Variants in IL7 observed in about 807,000 individuals in gnomAD.
IL7 encodes the protein interleukin 7.
Under a neutral mutation model 21.6 loss-of-function variants are expected in IL7, and 3 were observed. The ratio of observed to expected loss-of-function variants is 0.14; its 90% confidence interval spans 0.06 to 0.36. IL7 has a LOEUF of 0.36. IL7 is among the 10% of genes least tolerant of loss of function. IL7 has a pLI of 1.00. For synonymous variants in IL7, 62 were observed against 68.1 expected (o/e 0.91, Z 0.44); for missense variants, 175 against 200.2 (o/e 0.87, Z 0.76).
At chr8:78,736,581 GTTGT>G in intron 4 of IL7, 54 bp from the exon 5 acceptor site, 1 of 1,161,448 alleles carries the variant, frequency 8.6e-7, no homozygotes. Context: ...TGCTCCTCCA[GTTGT>G]TTGTAATTGC....
At chr8:78,749,593 T>C (rs1018897937) in intron 2 of IL7, among the ~76,000 whole-genome samples, 2 of 152,104 alleles carry the variant, frequency 1.3e-5, no homozygotes, top group African/African-American at 2.4e-5. Flanking sequence ...TAAACTGTAA[T>C]TGGCAAATTG....
At chr8:78,722,163 A>G (rs1163599678) in intron 3 of IL7, among the ~76,000 whole-genome samples, 3 of 151,930 alleles carry the variant, frequency 2.0e-5, no homozygotes, top group Non-Finnish European at 1.5e-5. Context: ...ATAATTTTTA[A>G]AAAGCAAATA....
chr8:78,687,501 A>T (rs1810029555), intron 3 of IL7, among the ~76,000 whole-genome samples: 1 of 143,010 alleles, frequency 7.0e-6, no homozygotes, highest in Non-Finnish European at 1.5e-5. Context: ...TGTTTATATA[A>T]TAAATTATAT....
chr8:78,678,860 A>G (rs1809671113), intron 4 of IL7: 2 of 379,792 alleles, frequency 5.3e-6, no homozygotes, highest in Non-Finnish European at 9.1e-6. Flanking sequence ...TATAAAACAA[A>G]TTTTATTTTA....
Position 78,733,581 on chromosome 8 carries a change from C to A in IL7, c.*132G>T. 1 of 873,036 alleles carries A rather than the reference C, an allele frequency of 1.1e-6. No homozygotes were observed. Among genetic ancestry groups the A allele is most frequent in the Non-Finnish European group, 1.8e-6 (1 of 569,350 alleles). 54.1% of individuals were successfully genotyped at this position (873,036 alleles called of 1,614,324 possible). On this transcript the variant is annotated 3_prime_UTR_variant, in exon 6 of 6. Coordinates refer to ENST00000263851, the MANE Select transcript of IL7 (RefSeq NM_000880.4). ...TAATACAATATGCATTTCTCAAATG[C>A]CCTAATCCGTTTTGACCATGGTGCA...
intron 3 of IL7, among the ~76,000 whole-genome samples, chr8:78,711,242 A>T (rs1209926361): frequency 6.6e-6 from 1 of 152,066 alleles, no homozygotes; most frequent in Non-Finnish European, 1.5e-5. Flanking sequence ...CTATGACTAG[A>T]TGTTGGTTGG....
At chr8:78,748,431 A>ATTT (rs1265131144) in intron 2 of IL7, among the ~76,000 whole-genome samples, 16 of 152,224 alleles carry the variant, frequency 1.1e-4, no homozygotes, top group Non-Finnish European at 7.3e-5. Context: ...GAAAATAAAA[A>ATTT]TTAAGCAAGA....
chr8:78,751,666 A>T (rs2130735216), intron 2 of IL7, among the ~76,000 whole-genome samples: 1 of 152,324 alleles, frequency 6.6e-6, no homozygotes, highest in South Asian at 2.1e-4. Context: ...TTTATGGATG[A>T]CACAGTGATA....
At chr8:78,785,137 A>G (rs1000833263) in intron 2 of IL7, among the ~76,000 whole-genome samples, 42 of 152,092 alleles carry the variant, frequency 2.8e-4, no homozygotes, top group Admixed American at 2.6e-3. Context: ...CTTGAAATTC[A>G]GTCACTTTTC....
intron 2 of IL7, among the ~76,000 whole-genome samples, chr8:78,746,279 G>A (rs940680535): frequency 1.3e-5 from 2 of 152,184 alleles, no homozygotes; most frequent in Admixed American, 1.3e-4. Context: ...CTTTCATGAG[G>A]AGGCAGTCAA....
chr8:78,746,729 A>T (rs1428681635), intron 2 of IL7, among the ~76,000 whole-genome samples: 1 of 152,212 alleles, frequency 6.6e-6, no homozygotes, highest in Non-Finnish European at 1.5e-5. Context: ...TGTGAACCTA[A>T]GGTAAATGCA....
chr8:78,683,451 C>T (rs1031003661), intron 4 of IL7, among the ~76,000 whole-genome samples: 12 of 152,228 alleles, frequency 7.9e-5, no homozygotes, highest in African/African-American at 2.4e-4. Flanking sequence ...TGGGCTTGCA[C>T]CTCTGAAGCC....
chr8:78,683,787 T>C (rs1429928820), intron 4 of IL7, among the ~76,000 whole-genome samples: 4 of 152,198 alleles, frequency 2.6e-5, no homozygotes, highest in Non-Finnish European at 4.4e-5. Context: ...TCCAAACTTA[T>C]ATATTCTGCT....
intron 2 of IL7, among the ~76,000 whole-genome samples, chr8:78,758,361 T>C (rs1310306223): frequency 6.6e-6 from 1 of 152,160 alleles, no homozygotes; most frequent in African/African-American, 2.4e-5. Flanking sequence ...TCTTTTAATA[T>C]TTATCTTTAC....
intron 2 of IL7, among the ~76,000 whole-genome samples, chr8:78,765,169 CAA>C (rs1812717578): frequency 6.6e-6 from 1 of 152,026 alleles, no homozygotes; most frequent in South Asian, 2.1e-4. Context: ...GAACCTTTCA[CAA>C]AAATTAGCTC....
intron 3 of IL7, among the ~76,000 whole-genome samples, chr8:78,705,604 C>A (rs116863333): frequency 1.3e-5 from 2 of 151,964 alleles, no homozygotes; most frequent in African/African-American, 2.4e-5. Flanking sequence ...TTTTATGGGA[C>A]CACTGTGGTG....
At chr8:78,720,718 A>G (rs1299079685) in intron 5 of IL7, among the ~76,000 whole-genome samples, 3 of 151,954 alleles carry the variant, frequency 2.0e-5, no homozygotes, top group African/African-American at 4.8e-5. Flanking sequence ...TAATTGATAG[A>G]GATATTTAAT....
chr8:78,795,199 A>C (rs1403182204), intron 2 of IL7, among the ~76,000 whole-genome samples: 1 of 152,122 alleles, frequency 6.6e-6, no homozygotes, highest in East Asian at 1.9e-4. Flanking sequence ...CATAACTATT[A>C]GTATTATGGT....
rs1245715993 is a variant in IL7 at position 78,759,069 on chromosome 8, C to CT, written c.148-18988dup. The stretch of plus-strand genomic sequence containing the variant: ...TTTATTCTTTTATTCCCCCCCCCAC[C>CT]TTTTTTTTTAATCTGGCTTTGTTAT... On this transcript the variant is annotated intron_variant, in intron 2 of 5. Coordinates refer to ENST00000263851, the MANE Select transcript of IL7 (RefSeq NM_000880.4). Among the ~76,000 whole-genome samples, 465 of 148,378 alleles carry CT rather than the reference C, an allele frequency of 3.1e-3. 2 individuals carry two copies. Among genetic ancestry groups the CT allele is most frequent in the African/African-American group, 0.011 (438 of 40,218 alleles).
Sources: allele counts gnomAD v4.1 joint callset (sites outside exome capture counted in the v4.1 genomes callset), GRCh38; gene constraint gnomAD v4.1.1; transcripts MANE v1.5; gene names NCBI Gene and HGNC (gene_info 2026-07-23, HGNC 2026-07-21).